Variants in NOL4 observed in about 807,000 individuals in gnomAD.
NOL4 encodes cancer/testis antigen 125.
A neutral mutation model predicts 75.9 loss-of-function variants in NOL4; 17 were observed. That is an observed-to-expected ratio of 0.22 (90% CI 0.15 to 0.34). The LOEUF is 0.34. NOL4 is among the 10% of genes least tolerant of loss of function. The probability of loss-of-function intolerance (pLI) is 1.00; values close to 1 mark genes in which losing one functional copy is unlikely to be tolerated. For synonymous variants in NOL4, 292 were observed against 289.9 expected (o/e 1.01, Z -0.07); for missense variants, 614 against 793.5 (o/e 0.77, Z 2.72).
chr18:34,194,319 A>G (rs2035143816), intron 1 of NOL4, among the ~76,000 whole-genome samples: 1 of 152,104 alleles, frequency 6.6e-6, no homozygotes, highest in African/African-American at 2.4e-5. Context: ...GTTTTACAAG[A>G]TAAATATATA....
At chr18:33,908,873 C>T (rs1397133707) in intron 9 of NOL4, among the ~76,000 whole-genome samples, 2 of 152,030 alleles carry the variant, frequency 1.3e-5, no homozygotes, top group Non-Finnish European at 2.9e-5. Flanking sequence ...AAATACTATG[C>T]TCTTTGTTAA....
intron 9 of NOL4, among the ~76,000 whole-genome samples, chr18:33,930,793 T>A (rs75119483): frequency 0.012 from 1,756 of 152,166 alleles, 32 homozygotes; most frequent in African/African-American, 0.04. Context: ...TGATAGCTTT[T>A]GAAATTAAAA....
At chr18:34,059,112 GATAGATATACATATATAT>G (rs2076952550) in intron 5 of NOL4, among the ~76,000 whole-genome samples, 1 of 102,688 alleles carries the variant, frequency 9.7e-6, no homozygotes, top group South Asian at 3.6e-4. Flanking sequence ...TAGAGAGATA[GATAGATATACATATATAT>G]ATATATATAT....
At chr18:34,048,454 T>G (rs1176743326) in intron 5 of NOL4, 3 of 985,284 alleles carry the variant, frequency 3.0e-6, no homozygotes, top group Non-Finnish European at 3.6e-6. Context: ...ATTCTGCTCT[T>G]CAACTTAAAT....
chr18:34,030,146 T>C (rs2075563481), intron 5 of NOL4, among the ~76,000 whole-genome samples: 1 of 152,220 alleles, frequency 6.6e-6, no homozygotes, highest in Non-Finnish European at 1.5e-5. Flanking sequence ...GATTATATTT[T>C]TGGGCTTCTA....
intron 9 of NOL4, among the ~76,000 whole-genome samples, chr18:33,909,832 T>C (rs1164715400): frequency 1.3e-5 from 2 of 150,546 alleles, no homozygotes; most frequent in African/African-American, 4.9e-5. Context: ...GGATAAAATA[T>C]ATAAAAAAAA....
At chr18:34,147,371 T>C (rs2081446011) in intron 1 of NOL4, among the ~76,000 whole-genome samples, 1 of 152,150 alleles carries the variant, frequency 6.6e-6, no homozygotes, top group Non-Finnish European at 1.5e-5. Context: ...AAACAGCTTA[T>C]TATTTTGAGA....
intron 4 of NOL4, among the ~76,000 whole-genome samples, chr18:34,096,416 A>C (rs2078781687): frequency 6.6e-6 from 1 of 152,064 alleles, no homozygotes; most frequent in Non-Finnish European, 1.5e-5. Context: ...TAATTGATTA[A>C]ATTATTGTTT....
At chr18:33,911,669 T>C (rs963480304) in intron 9 of NOL4, among the ~76,000 whole-genome samples, 1 of 152,160 alleles carries the variant, frequency 6.6e-6, no homozygotes, top group Non-Finnish European at 1.5e-5. Flanking sequence ...CTATACTATG[T>C]CTTGCTTCTG....
intron 6 of NOL4, among the ~76,000 whole-genome samples, chr18:33,977,382 T>C (rs1221936571): frequency 1.3e-5 from 2 of 152,128 alleles, no homozygotes; most frequent in Non-Finnish European, 2.9e-5. Context: ...CCCAAGGTTT[T>C]CTAATGATAG....
At chr18:33,853,776 CTG>C (rs1456731229) in intron 10 of NOL4, among the ~76,000 whole-genome samples, 1 of 151,974 alleles carries the variant, frequency 6.6e-6, no homozygotes, top group Non-Finnish European at 1.5e-5. Context: ...AATGTCATCT[CTG>C]TATTTATTTG....
chr18:34,105,834 C>T (rs1285671237), intron 2 of NOL4, among the ~76,000 whole-genome samples: 2 of 151,894 alleles, frequency 1.3e-5, no homozygotes, highest in Non-Finnish European at 2.9e-5. Context: ...CTATATAGAG[C>T]TTTGTTTTCA....
intron 6 of NOL4, among the ~76,000 whole-genome samples, chr18:34,011,269 T>C (rs1441451190): frequency 6.6e-6 from 1 of 151,724 alleles, no homozygotes; most frequent in Non-Finnish European, 1.5e-5. Context: ...AAATAAATAG[T>C]AATAAGAAGG....
chr18:34,141,807 G>A (rs1000885549), intron 1 of NOL4, among the ~76,000 whole-genome samples: 1 of 151,694 alleles, frequency 6.6e-6, no homozygotes, highest in African/African-American at 2.4e-5. Flanking sequence ...CAAAAGCAAT[G>A]GCAACAAAAG....
chr18:34,074,285 A>G (rs986460374), intron 5 of NOL4, among the ~76,000 whole-genome samples: 1 of 151,612 alleles, frequency 6.6e-6, no homozygotes, highest in African/African-American at 2.4e-5. Flanking sequence ...TAAAACTTAA[A>G]TTAACAATGA....
intron 6 of NOL4, among the ~76,000 whole-genome samples, chr18:33,990,805 A>C (rs539448895): frequency 6.6e-6 from 1 of 152,048 alleles, no homozygotes; most frequent in Admixed American, 6.6e-5. Flanking sequence ...CCATGTCCTT[A>C]AACAAATATC....
At chr18:33,917,271 T>C (rs2066777342) in intron 9 of NOL4, among the ~76,000 whole-genome samples, 1 of 151,996 alleles carries the variant, frequency 6.6e-6, no homozygotes, top group Non-Finnish European at 1.5e-5. Context: ...CAGCAGCTTG[T>C]CCAGAGTTTC....
chr18:34,064,854 C>G (rs573824874), intron 5 of NOL4, among the ~76,000 whole-genome samples: 2 of 151,482 alleles, frequency 1.3e-5, no homozygotes, highest in African/African-American at 4.8e-5. Flanking sequence ...AAGGAGCTTA[C>G]TATAATTACT....
chr18:33,915,190 G>A (rs2066640775), intron 9 of NOL4, among the ~76,000 whole-genome samples: 1 of 152,120 alleles, frequency 6.6e-6, no homozygotes, highest in Non-Finnish European at 1.5e-5. Context: ...CTAAGAAATA[G>A]ACCATTGGCT....
Sources: allele counts gnomAD v4.1 joint callset (sites outside exome capture counted in the v4.1 genomes callset), GRCh38; gene constraint gnomAD v4.1.1; transcripts MANE v1.5; gene names NCBI Gene and HGNC (gene_info 2026-07-23, HGNC 2026-07-21).